Variants in RBPJ observed in about 807,000 individuals in gnomAD.
RBPJ encodes the protein recombining binding protein suppressor of hairless.
RBPJ carries 9 observed loss-of-function variants against 67.8 expected under a neutral mutation model. The ratio of observed to expected loss-of-function variants is 0.13; its 90% confidence interval spans 0.08 to 0.23. The LOEUF is 0.23. RBPJ is among the 10% of genes least tolerant of loss of function. RBPJ has a pLI of 1.00. For missense variants in RBPJ, 305 were observed against 595.6 expected (o/e 0.51, Z 5.08); for synonymous variants, 198 against 203.3 (o/e 0.97, Z 0.22).
intron 7 of RBPJ, among the ~76,000 whole-genome samples, chr4:26,427,210 T>C (rs1047221985): frequency 6.6e-6 from 1 of 152,030 alleles, no homozygotes. Context: ...GATGGTTGGG[T>C]GTGAGAGAAA....
At chr4:26,339,687 A>C (rs1232554029) in intron 1 of RBPJ, among the ~76,000 whole-genome samples, 1 of 151,324 alleles carries the variant, frequency 6.6e-6, no homozygotes, top group Non-Finnish European at 1.5e-5. Flanking sequence ...TAAAAGTAAC[A>C]CTCCAAATCA....
At chr4:26,305,658 A>C (rs1323634598) in intron 1 of RBPJ, among the ~76,000 whole-genome samples, 1 of 151,984 alleles carries the variant, frequency 6.6e-6, no homozygotes, top group African/African-American at 2.4e-5. Flanking sequence ...GTTCCTTGAA[A>C]ATATATAGAA....
intron 1 of RBPJ, among the ~76,000 whole-genome samples, chr4:26,298,036 C>T (rs980957375): frequency 1.3e-5 from 2 of 152,084 alleles, no homozygotes; most frequent in African/African-American, 4.8e-5. Context: ...ATCACTGATA[C>T]AAATGTTTCT....
chr4:26,295,245 A>AGTGTGTGTGT (rs71932374), intron 1 of RBPJ, among the ~76,000 whole-genome samples: 1,676 of 147,088 alleles, frequency 0.011, 29 homozygotes, highest in African/African-American at 0.04. Context: ...AGGGTGCATC[A>AGTGTGTGTGT]GTGTGTGTGT....
intron 4 of RBPJ, among the ~76,000 whole-genome samples, chr4:26,418,234 A>G (rs73121199): frequency 0.018 from 2,796 of 152,228 alleles, 97 homozygotes; most frequent in African/African-American, 0.063. Flanking sequence ...TAGAGAGATG[A>G]TTATATGCCA....
intron 1 of RBPJ, among the ~76,000 whole-genome samples, chr4:26,247,497 G>A (rs138572516): frequency 0.048 from 7,335 of 151,954 alleles, 203 homozygotes; most frequent in Middle Eastern, 0.095. Flanking sequence ...TACAACCTCC[G>A]CTTCCTGGGT....
At chr4:26,319,454 C>A (rs1722802280), upstream of RBPJ, among the ~76,000 whole-genome samples, 1 of 148,642 alleles carries the variant, frequency 6.7e-6, no homozygotes, top group Non-Finnish European at 1.5e-5. Context: ...GCCTCCGCGG[C>A]AAGCCGCTCC....
chr4:26,302,796 C>G (rs28728465), intron 1 of RBPJ, among the ~76,000 whole-genome samples: 1 of 152,140 alleles, frequency 6.6e-6, no homozygotes, highest in Admixed American at 6.6e-5. Context: ...GTCTCTTGGA[C>G]TAAGTTGGCG....
Position 26,406,259 on chromosome 4 carries a change from A to G in RBPJ, c.144A>G (p.Gly48=), listed in dbSNP as rs1454182662. ...CAAAAGTTGCACAGAAGTCATATGG[A>G]AATGAAAAAAGGTAAGATTATTTTT... ...LHAKVAQKSY[G]NEKRFFCPPP... The change falls in exon 3 of 11, where the codon GGA becomes GGG. Residue 48 remains glycine, a synonymous_variant. Transcript: ENST00000355476. 6.2e-7 allele frequency: 1 copy of G among 1,600,696 alleles called. No individual in the cohort carries two copies. Among genetic ancestry groups the G allele is most frequent in the South Asian group, 1.1e-5 (1 of 90,708 alleles).
intron 1 of RBPJ, among the ~76,000 whole-genome samples, chr4:26,238,088 G>T (rs114927894): frequency 0.036 from 5,516 of 152,138 alleles, 131 homozygotes; most frequent in Middle Eastern, 0.095. Context: ...TTGAGACAGG[G>T]TCTCACCCTG....
intron 1 of RBPJ, among the ~76,000 whole-genome samples, chr4:26,334,479 T>A (rs1051480414): frequency 5.3e-5 from 8 of 152,182 alleles, no homozygotes; most frequent in African/African-American, 1.9e-4. Context: ...CAACTTAAGT[T>A]TTCCCTTTTG....
At chr4:26,364,713 A>G (rs1217050128) in intron 1 of RBPJ, among the ~76,000 whole-genome samples, 2 of 129,664 alleles carry the variant, frequency 1.5e-5, no homozygotes, top group Admixed American at 1.7e-4. Context: ...TGCAACCTCT[A>G]CCTCCCGGTT....
At chr4:26,351,240 T>G (rs1289111023) in intron 1 of RBPJ, among the ~76,000 whole-genome samples, 2 of 152,144 alleles carry the variant, frequency 1.3e-5, no homozygotes, top group Admixed American at 1.3e-4. Flanking sequence ...CTCTGACACT[T>G]GAGGAACATA....
At chr4:26,113,550 G>T in the RBPJ span, 1 of 506,084 alleles carries the variant, frequency 2.0e-6, no homozygotes, top group Non-Finnish European at 3.9e-6. Flanking sequence ...GAACATCAGA[G>T]AACTCACGCA....
chr4:26,203,580 T>A (rs1262487616), intron 1 of RBPJ, among the ~76,000 whole-genome samples: 2 of 152,192 alleles, frequency 1.3e-5, no homozygotes, highest in African/African-American at 4.8e-5. Context: ...TGTTCATGGC[T>A]CTGTCCTCCA....
chr4:26,224,457 A>G (rs112556749), intron 1 of RBPJ, among the ~76,000 whole-genome samples: 2,390 of 152,212 alleles, frequency 0.016, 80 homozygotes, highest in African/African-American at 0.054. Context: ...CAATATTTCA[A>G]CGTAGGTTCT....
At chr4:26,218,155 T>C (rs1389493021) in intron 1 of RBPJ, among the ~76,000 whole-genome samples, 2 of 152,196 alleles carry the variant, frequency 1.3e-5, no homozygotes, top group East Asian at 1.9e-4. Context: ...TCTTTGTTCA[T>C]GTGAGGATCT....
chr4:26,240,418 G>A lies in RBPJ; in HGVS notation c.-167+76804G>A, dbSNP rs541886026. Reference sequence around the variant, plus strand: ...CAGATCAATAACATTCACACAGTATGAATTAATCTGGGACAGACATTTAGA... The same window carrying A: ...CAGATCAATAACATTCACACAGTATAAATTAATCTGGGACAGACATTTAGA... On this transcript the variant is annotated intron_variant, in intron 1 of 4. Coordinates refer to the RBPJ transcript ENST00000512351. Among the ~76,000 whole-genome samples, 267 of 152,280 alleles carry A rather than the reference G, an allele frequency of 1.8e-3. 3 individuals carry two copies. Among genetic ancestry groups the A allele is most frequent in the South Asian group, 9.9e-3 (48 of 4,830 alleles).
At chr4:26,331,406 A>G (rs1193059717) in intron 1 of RBPJ, among the ~76,000 whole-genome samples, 2 of 150,044 alleles carry the variant, frequency 1.3e-5, no homozygotes, top group Non-Finnish European at 3.0e-5. Context: ...TTTTTTTCCC[A>G]TACCTTTCTA....
Sources: allele counts gnomAD v4.1 joint callset (sites outside exome capture counted in the v4.1 genomes callset), GRCh38; gene constraint gnomAD v4.1.1; transcripts MANE v1.5; gene names NCBI Gene and HGNC (gene_info 2026-07-23, HGNC 2026-07-21).